Variants in DCP1A observed in about 807,000 individuals in gnomAD.
DCP1A encodes decapping mRNA 1A.
In DCP1A, 20 loss-of-function variants were observed where a neutral mutation model predicts 58.0. The observed-to-expected ratio is 0.34, with a 90% CI of 0.24 to 0.50. The LOEUF is 0.50. Among genes scored for constraint, DCP1A ranks in the 20% least tolerant of loss-of-function variants. The pLI is 0.98. For synonymous variants in DCP1A, 285 were observed against 275.1 expected (o/e 1.04, Z -0.36); for missense variants, 613 against 712.2 (o/e 0.86, Z 1.59).
At chr3:53,328,213 C>T (rs1343601219) in intron 3 of DCP1A, among the ~76,000 whole-genome samples, 1 of 152,102 alleles carries the variant, frequency 6.6e-6, no homozygotes, top group East Asian at 1.9e-4. Flanking sequence ...GATCCTCCAG[C>T]ACACTGAACC....
At position 53,284,168 on chromosome 3, in the gene DCP1A, G is replaced by T. The variant is rs1230468720; in HGVS notation, c.*3412C>A. On this transcript the variant is annotated 3_prime_UTR_variant, in exon 10 of 10. Coordinates refer to ENST00000610213, the MANE Select transcript of DCP1A (RefSeq NM_018403.7). ...TCCTCAGTTCTCCTCACTCACACGGGCTGAGCCCACTCGTGCCTGTGCCAC... is the reference window on the plus strand; with the variant it reads ...TCCTCAGTTCTCCTCACTCACACGGTCTGAGCCCACTCGTGCCTGTGCCAC... The T allele has an allele frequency of 6.6e-6, 1 of 152,232 alleles. No individual in the cohort carries two copies. The allele number at this position is 152,232 out of a possible 1,614,324, so 9.4% of individuals were successfully genotyped here.
At position 53,313,009 on chromosome 3, in the gene DCP1A, T is replaced by G. The variant is rs545628771; in HGVS notation, c.372-630A>C. Among the ~76,000 whole-genome samples the G allele has an allele frequency of 1.1e-4, 16 of 152,252 alleles. No homozygotes were observed. In the South Asian group the frequency reaches 2.7e-3, roughly 26 times the overall value. On this transcript the variant is annotated intron_variant, in intron 4 of 9. Coordinates refer to ENST00000610213, the MANE Select transcript of DCP1A (RefSeq NM_018403.7). ...AGTATTTCAAAATCAGTCAAACTAA[T>G]TGCTAAAGTAAATATGAAAACTGAC...
At chr3:53,310,570 T>C (rs1334039319) in intron 5 of DCP1A, among the ~76,000 whole-genome samples, 1 of 152,250 alleles carries the variant, frequency 6.6e-6, no homozygotes, top group Non-Finnish European at 1.5e-5. Context: ...GAACAAAGTA[T>C]GTACGTAGAA....
chr3:53,287,823 T>C (rs1230113342), intron 9 of DCP1A, among the ~76,000 whole-genome samples, 163 bp from the exon 10 acceptor site: 1 of 152,018 alleles, frequency 6.6e-6, no homozygotes, highest in Non-Finnish European at 1.5e-5. Context: ...TTCATGCAGA[T>C]ATTTCTCCAC....
At position 53,312,480 on chromosome 3, in the gene DCP1A, C is replaced by T. The variant is rs550473507; in HGVS notation, c.372-101G>A. On this transcript the variant is annotated intron_variant, in intron 4 of 9. Coordinates refer to ENST00000610213, the MANE Select transcript of DCP1A (RefSeq NM_018403.7). ...TTCCAAGGATACACTAAGAGTGTCA[C>T]ATGATGACATTCTTCTTTTTTTTTT... 4.9e-6 allele frequency: 4 copies of T among 818,762 alleles called. No individual in the cohort carries two copies. The South Asian group carries it at 8.4e-5, about 17-fold the overall frequency. 50.7% of individuals were successfully genotyped at this position (818,762 alleles called of 1,614,324 possible).
chr3:53,289,893 G>T (rs1253448513), intron 8 of DCP1A, among the ~76,000 whole-genome samples: 1 of 152,134 alleles, frequency 6.6e-6, no homozygotes, highest in Non-Finnish European at 1.5e-5. Context: ...AGTTTCAACG[G>T]TATGGTTTTT....
intron 6 of DCP1A, among the ~76,000 whole-genome samples, chr3:53,295,090 A>G (rs1553686640): frequency 6.6e-6 from 1 of 152,184 alleles, no homozygotes; most frequent in Non-Finnish European, 1.5e-5. Context: ...CTGTCAGACA[A>G]CAGAGAAAGA....
intron 3 of DCP1A, among the ~76,000 whole-genome samples, chr3:53,320,841 T>A (rs1023359691): frequency 7.2e-5 from 11 of 152,198 alleles, no homozygotes; most frequent in Non-Finnish European, 1.2e-4. Flanking sequence ...TGTTGTAATT[T>A]CAAGAGTATT....
rs186062414 is a variant in DCP1A, at chr3:53,292,650, C to G, written c.802G>C (p.Ala268Pro). 6.2e-7 allele frequency: 1 copy of G among 1,613,482 alleles called. No homozygotes were observed. Among genetic ancestry groups the G allele is most frequent in the Non-Finnish European group, 8.5e-7 (1 of 1,179,726 alleles). Reference protein sequence around the residue: ...LPFPFEQLGGAPQSETLGVPS... With the variant: ...LPFPFEQLGGPPQSETLGVPS... The stretch of plus-strand genomic sequence containing the variant: ...ACACCCAGGGTTTCTGATTGAGGGG[C>G]TCCTCCTAACTGCTCAAAGGGAAAT... The change falls in exon 7 of 10, where the codon GCC (alanine) becomes CCC (proline). Residue 268 changes from alanine to proline, a missense_variant. Coordinates refer to ENST00000610213, the MANE Select transcript of DCP1A (RefSeq NM_018403.7).
chr3:53,309,984 C>A (rs544991340), intron 5 of DCP1A, among the ~76,000 whole-genome samples: 33 of 152,308 alleles, frequency 2.2e-4, no homozygotes, highest in African/African-American at 7.9e-4. Flanking sequence ...GGGAGCCCAT[C>A]CAAACACCAA....
At chr3:53,340,505 G>C (rs2089186947) in intron 3 of DCP1A, among the ~76,000 whole-genome samples, 1 of 152,006 alleles carries the variant, frequency 6.6e-6, no homozygotes, top group Non-Finnish European at 1.5e-5. Context: ...TCTCATTCAG[G>C]GAATTAAGAG....
chr3:53,331,317 T>A (rs2088995110), intron 3 of DCP1A, among the ~76,000 whole-genome samples: 1 of 152,234 alleles, frequency 6.6e-6, no homozygotes, highest in Admixed American at 6.5e-5. Context: ...AAATCAGTTC[T>A]GTTTGCTTTT....
At chr3:53,295,532 A>G (rs140440479) in intron 6 of DCP1A, among the ~76,000 whole-genome samples, 2 of 152,322 alleles carry the variant, frequency 1.3e-5, no homozygotes, top group East Asian at 3.9e-4. Flanking sequence ...TTAACTGGGA[A>G]AATTACATCA....
intron 5 of DCP1A, among the ~76,000 whole-genome samples, chr3:53,307,703 G>A (rs782027480): frequency 3.3e-5 from 5 of 152,034 alleles, no homozygotes; most frequent in African/African-American, 1.2e-4. Context: ...CCTGCTGGAG[G>A]GTGATTTTAT....
Position 53,290,873 on chromosome 3 carries a change from G to A in DCP1A, c.1384-17C>T, listed in dbSNP as rs782665595. ...CTGCATAGACTGAAATGTTTATGAA[G>A]AAAAGACAGACGGATATAAGAAGTT... On this transcript the variant is annotated splice_polypyrimidine_tract_variant and intron_variant, in intron 7 of 9. Coordinates refer to ENST00000610213, the MANE Select transcript of DCP1A (RefSeq NM_018403.7). 7 of 1,593,650 alleles carry A rather than the reference G, an allele frequency of 4.4e-6. No homozygotes were observed. The South Asian group carries it at 6.7e-5, about 15-fold the overall frequency.
At chr3:53,319,541 T>C (rs1294870566) in intron 3 of DCP1A, 68 bp from the exon 4 acceptor site, 1 of 941,076 alleles carries the variant, frequency 1.1e-6, no homozygotes, top group Non-Finnish European at 1.7e-6. Context: ...ATGTAAATAA[T>C]ATATTATCAT....
intron 3 of DCP1A, among the ~76,000 whole-genome samples, chr3:53,334,995 G>C (rs1294552586): frequency 5.3e-5 from 8 of 151,338 alleles, no homozygotes; most frequent in African/African-American, 1.9e-4. Context: ...TATGCTGTCA[G>C]TCTAACTGGT....
intron 1 of DCP1A, 75 bp downstream of exon 1, chr3:53,347,308 C>A (rs916055293): frequency 3.5e-6 from 5 of 1,419,586 alleles, no homozygotes; most frequent in Non-Finnish European, 4.6e-6. Context: ...CCCCCCCACC[C>A]CACAGTAACC....
chr3:53,334,709 G>A (rs562725432), intron 3 of DCP1A, among the ~76,000 whole-genome samples: 98 of 152,208 alleles, frequency 6.4e-4, no homozygotes, highest in African/African-American at 2.1e-3. Context: ...ATGTTATACT[G>A]TGGAGCGTTT....
Sources: gnomAD v4.1 joint callset for allele counts (sites outside exome capture counted in the v4.1 genomes callset) on GRCh38, gnomAD v4.1.1 for gene constraint, MANE v1.5 for transcripts, NCBI Gene and HGNC (gene_info 2026-07-23, HGNC 2026-07-21) for gene names.